The following CSMD1 variants were observed in gnomAD, a reference collection of about 807,000 sequenced individuals.
CSMD1 encodes the protein CUB and Sushi multiple domains 1.
CSMD1 carries 213 observed loss-of-function variants against 417.5 expected under a neutral mutation model. The observed-to-expected ratio is 0.51, with a 90% confidence interval of 0.46 to 0.57. The LOEUF is 0.57. Ranked by LOEUF, CSMD1 falls within the 20% of genes least tolerant of loss-of-function variation. The pLI, the probability that CSMD1 is intolerant of heterozygous loss-of-function variation, is 0.00. For missense variants in CSMD1, 6,923 were observed against 4,529.7 expected, an observed-to-expected ratio of 1.53 and a Z score of -15.17; for synonymous variants, 2,862 against 1,736.8, an observed-to-expected ratio of 1.65 and a Z score of -16.11.
At chr8:4,585,017 C>A (rs1229035960) in intron 2 of CSMD1, among the ~76,000 whole-genome samples, 1 of 150,622 alleles carries the variant, frequency 6.6e-6, no homozygotes, top group Admixed American at 6.6e-5. Flanking sequence ...ATTATTTGTA[C>A]AATTTTTCAT....
intron 5 of CSMD1, among the ~76,000 whole-genome samples, chr8:3,816,019 T>C (rs952928095): frequency 7.9e-5 from 12 of 152,220 alleles, no homozygotes; most frequent in Admixed American, 5.9e-4. Context: ...GGCAGTAAGA[T>C]ATTGTCTGTG....
chr8:3,473,306 C>G lies in CSMD1; in HGVS notation c.1449-4482G>C, dbSNP rs559557114. ...TGTCAAATCAGGTTTATGTTTATTA[C>G]TCATTTTGGAATTTAAGCCTGCTAT... On this transcript the variant is annotated intron_variant, in intron 11 of 69. Coordinates refer to ENST00000635120, the MANE Select transcript of CSMD1 (RefSeq NM_033225.6). Among the ~76,000 whole-genome samples, 4 of 152,230 alleles carry G rather than the reference C, an allele frequency of 2.6e-5. 1 individual carries two copies. In the East Asian group the frequency reaches 7.7e-4, roughly 29 times the overall value.
chr8:3,282,152 G>C lies in CSMD1; in HGVS notation c.4153+1992C>G, dbSNP rs542030177. Reference sequence around the variant, plus strand: ...AGTTCTTTACAGCAATATGAAGATGGAATAATATACCCATGGAATGCATAA... The same window carrying C: ...AGTTCTTTACAGCAATATGAAGATGCAATAATATACCCATGGAATGCATAA... On this transcript the variant is annotated intron_variant, in intron 26 of 69. Transcript: ENST00000635120. Among the ~76,000 whole-genome samples, 13 of 152,192 alleles carry C rather than the reference G, an allele frequency of 8.5e-5. No individual in the cohort carries two copies. In the South Asian group the frequency reaches 2.7e-3, roughly 32 times the overall value.
At chr8:3,793,106 G>C (rs551556110) in intron 5 of CSMD1, among the ~76,000 whole-genome samples, 1 of 152,130 alleles carries the variant, frequency 6.6e-6, no homozygotes, top group Non-Finnish European at 1.5e-5. Flanking sequence ...AAAGTGTCTC[G>C]AGGAGGATAC....
chr8:4,915,691 C>G (rs935377300), intron 1 of CSMD1, among the ~76,000 whole-genome samples: 2 of 152,172 alleles, frequency 1.3e-5, no homozygotes, highest in African/African-American at 4.8e-5. Flanking sequence ...CAGTGGATTT[C>G]GGGAGAGGGT....
intron 2 of CSMD1, among the ~76,000 whole-genome samples, chr8:4,431,964 C>G (rs17070295): frequency 0.079 from 12,017 of 152,054 alleles, 633 homozygotes; most frequent in South Asian, 0.13. Flanking sequence ...TTAAAAGCCA[C>G]GGCAGTAACT....
At chr8:3,432,443 A>G (rs1040383403) in intron 12 of CSMD1, among the ~76,000 whole-genome samples, 7 of 151,350 alleles carry the variant, frequency 4.6e-5, no homozygotes, top group African/African-American at 2.4e-5. Context: ...AATAGAAATG[A>G]TAATTTTTAG....
At chr8:4,194,111 G>A (rs994424314) in intron 3 of CSMD1, among the ~76,000 whole-genome samples, 15 of 152,138 alleles carry the variant, frequency 9.9e-5, no homozygotes, top group African/African-American at 2.2e-4. Flanking sequence ...GTAGGCATAC[G>A]TTCAACAAAG....
intron 3 of CSMD1, among the ~76,000 whole-genome samples, chr8:4,193,468 G>T (rs922986870): frequency 6.6e-6 from 1 of 152,120 alleles, no homozygotes; most frequent in African/African-American, 2.4e-5. Context: ...TCCCTGGATG[G>T]AATGATGGAC....
At chr8:4,174,801 G>C (rs535292233) in intron 3 of CSMD1, among the ~76,000 whole-genome samples, 5 of 128,762 alleles carry the variant, frequency 3.9e-5, no homozygotes, top group African/African-American at 9.2e-5. Context: ...CAGATTGTGA[G>C]AGATTCAGAT....
At chr8:4,766,522 C>G (rs571654746) in intron 1 of CSMD1, among the ~76,000 whole-genome samples, 1 of 152,248 alleles carries the variant, frequency 6.6e-6, no homozygotes, top group Admixed American at 6.5e-5. Context: ...CTAAAATTCA[C>G]TGCATTGCAT....
intron 11 of CSMD1, among the ~76,000 whole-genome samples, chr8:3,490,148 A>T (rs1818285988): frequency 6.6e-6 from 1 of 152,224 alleles, no homozygotes; most frequent in African/African-American, 2.4e-5. Flanking sequence ...TGGTACACTA[A>T]GGACATATAT....
chr8:3,701,511 A>ATT (rs1554515922), intron 7 of CSMD1, among the ~76,000 whole-genome samples: 142 of 149,886 alleles, frequency 9.5e-4, no homozygotes, highest in Middle Eastern at 3.5e-3. Flanking sequence ...ATTAAACCTT[A>ATT]TTTTTTTTTT....
chr8:4,709,746 C>T (rs576174778), intron 1 of CSMD1, among the ~76,000 whole-genome samples: 1 of 152,160 alleles, frequency 6.6e-6, no homozygotes, highest in Non-Finnish European at 1.5e-5. Flanking sequence ...TGCAGGTGAG[C>T]TCCATCAGTG....
intron 3 of CSMD1, among the ~76,000 whole-genome samples, chr8:4,215,689 A>T (rs1451866830): frequency 1.3e-5 from 2 of 152,202 alleles, no homozygotes; most frequent in Non-Finnish European, 2.9e-5. Context: ...CACAGACTTT[A>T]ATATGCAGAT....
intron 1 of CSMD1, among the ~76,000 whole-genome samples, chr8:4,713,508 T>C (rs1808447275): frequency 6.6e-6 from 1 of 152,146 alleles, no homozygotes; most frequent in Non-Finnish European, 1.5e-5. Context: ...TTCCAGTGAT[T>C]TTCCTGCCTC....
At chr8:4,104,987 C>T (rs1801495113) in intron 3 of CSMD1, among the ~76,000 whole-genome samples, 2 of 114,180 alleles carry the variant, frequency 1.8e-5, no homozygotes, top group African/African-American at 2.9e-5. Flanking sequence ...AGAACAGTTT[C>T]ACATTAAAAA....
intron 11 of CSMD1, among the ~76,000 whole-genome samples, chr8:3,478,051 C>T (rs1351077656): frequency 6.6e-6 from 1 of 152,210 alleles, no homozygotes; most frequent in Non-Finnish European, 1.5e-5. Context: ...CATTTCCCCA[C>T]TGGCATCAAC....
chr8:4,374,161 C>G (rs761523933), intron 3 of CSMD1, among the ~76,000 whole-genome samples: 1 of 152,140 alleles, frequency 6.6e-6, no homozygotes, highest in Admixed American at 6.5e-5. Flanking sequence ...TTACCCTCCC[C>G]TTTTAGATCC....
Sources: gnomAD v4.1 joint callset for allele counts (sites outside exome capture counted in the v4.1 genomes callset) on GRCh38, gnomAD v4.1.1 for gene constraint, MANE v1.5 for transcripts, NCBI Gene and HGNC (gene_info 2026-07-23, HGNC 2026-07-21) for gene names.